GRAMD1B: variants seen among roughly 807,000 people sequenced by gnomAD.
The protein encoded by GRAMD1B is GRAM domain containing 1B, also known as protein Aster-B.
A neutral mutation model predicts 99.7 loss-of-function variants in GRAMD1B; 37 were observed. That is an observed-to-expected ratio of 0.37 (90% CI 0.29 to 0.49). The LOEUF (loss-of-function observed/expected upper bound fraction) is 0.49. Ranked by LOEUF, GRAMD1B falls within the 20% of genes least tolerant of loss-of-function variation. The pLI, the probability that GRAMD1B is intolerant of heterozygous loss-of-function variation, is 0.98. For missense variants in GRAMD1B, 888 were observed against 1,009.2 expected, an observed-to-expected ratio of 0.88 and a Z score of 1.63; for synonymous variants, 427 against 387.6, an observed-to-expected ratio of 1.10 and a Z score of -1.19.
At chr11:123,395,608 T>C (rs1947431680) in intron 1 of GRAMD1B, among the ~76,000 whole-genome samples, 1 of 152,192 alleles carries the variant, frequency 6.6e-6, no homozygotes, top group Non-Finnish European at 1.5e-5. Context: ...TATGCTTGAG[T>C]AGTGGTTTTC....
At chr11:123,601,515 A>ATGTGTGTGTG (rs4063751) in intron 8 of GRAMD1B, among the ~76,000 whole-genome samples, 78 of 148,918 alleles carry the variant, frequency 5.2e-4, no homozygotes, top group African/African-American at 1.8e-3. Flanking sequence ...ATTAATTTTT[A>ATGTGTGTGTG]TGTGTGTGTG....
chr11:123,526,194 A>G, intron 2 of GRAMD1B: 1 of 1,601,932 alleles, frequency 6.2e-7, no homozygotes, highest in Non-Finnish European at 8.5e-7. Context: ...GGGATAGGGC[A>G]CCTTCCTCTT....
In GRAMD1B at chr11:123,422,511, T is replaced by C. The variant is rs545194689; in HGVS notation, c.-175-58305T>C. Among the ~76,000 whole-genome samples, 3 of 152,366 alleles carry C rather than the reference T, an allele frequency of 2.0e-5. No individual in the cohort carries two copies. In the East Asian group the frequency reaches 5.8e-4, roughly 29 times the overall value. On this transcript the variant is annotated intron_variant, in intron 1 of 20. Coordinates refer to the GRAMD1B transcript ENST00000638157. The stretch of plus-strand genomic sequence containing the variant: ...TTCCAATTTTTTGCTTGACATAATA[T>C]GTAAAGGCTAATATTTCTCTGGTGT...
intron 3 of GRAMD1B, among the ~76,000 whole-genome samples, chr11:123,577,792 G>A (rs1442769511): frequency 6.7e-6 from 1 of 148,720 alleles, no homozygotes; most frequent in Admixed American, 6.8e-5. Flanking sequence ...GGCTGGGCGA[G>A]GTAGGGAGGC....
chr11:123,406,123 C>A (rs569098842), intron 1 of GRAMD1B, among the ~76,000 whole-genome samples: 1 of 149,734 alleles, frequency 6.7e-6, no homozygotes, highest in African/African-American at 2.5e-5. Flanking sequence ...CAAATGATTT[C>A]TGGCTAATTT....
At chr11:123,589,194 C>G (rs887297412) in intron 4 of GRAMD1B, among the ~76,000 whole-genome samples, 1 of 151,528 alleles carries the variant, frequency 6.6e-6, no homozygotes, top group Non-Finnish European at 1.5e-5. Context: ...TCAACCTGTC[C>G]TTGAAACATA....
intron 1 of GRAMD1B, among the ~76,000 whole-genome samples, chr11:123,457,964 C>T (rs762663295): frequency 9.9e-5 from 15 of 152,210 alleles, no homozygotes; most frequent in Non-Finnish European, 1.8e-4. Context: ...AATCCTCCTG[C>T]CTCGGCCTCC....
In GRAMD1B at chr11:123,492,547, G is replaced by A. The variant is rs953936122; in HGVS notation, c.452+11654G>A. 1.3e-4 allele frequency among the ~76,000 whole-genome samples: 20 copies of A among 152,168 alleles called. No individual in the cohort carries two copies. Among genetic ancestry groups the A allele is most frequent in the South Asian group, 6.2e-4 (3 of 4,828 alleles). ...TGGCTGAATCTGCCCTGCCCTCTTG[G>A]CCTCTGTAACTAGAAGAAGGAGATT... On this transcript the variant is annotated intron_variant, in intron 2 of 19. Coordinates refer to ENST00000635736, the MANE Select transcript of GRAMD1B (RefSeq NM_001387025.1). This position sits in a 1 kb window ranked among gnomAD's most constrained non-coding sequence, Gnocchi z 4.2.
rs867595369 is a variant in GRAMD1B at position 123,619,135 on chromosome 11, C to A, written c.2455C>A (p.Gln819Lys). 1 of 1,565,186 alleles carries A rather than the reference C, an allele frequency of 6.4e-7. No individual in the cohort carries two copies. The highest frequency in any genetic ancestry group is 1.2e-5 in the South Asian group (1 of 84,724). Residue 819 changes from glutamine to lysine, a missense_variant, in exon 19 of 20, where the codon CAG becomes AAG. Transcript: ENST00000635736. ...ACCCCAGTCTCAGACAGAATGGGCC[C>A]AGCTCTTAGAGTCCCAACAAAAGTA... ...RLPQSQTEWAQLLESQQKYHD... is the reference protein window; with the variant it reads ...RLPQSQTEWAKLLESQQKYHD...
intron 2 of GRAMD1B, among the ~76,000 whole-genome samples, chr11:123,530,439 G>A (rs1032888117): frequency 2.6e-5 from 4 of 152,028 alleles, no homozygotes; most frequent in African/African-American, 9.7e-5. Flanking sequence ...GTGAAGTGGC[G>A]AGATCTTGGC....
chr11:123,445,690 G>A (rs538539803), intron 1 of GRAMD1B, among the ~76,000 whole-genome samples: 2 of 151,840 alleles, frequency 1.3e-5, no homozygotes, highest in African/African-American at 4.8e-5. Flanking sequence ...GGTGGCACGC[G>A]CCTGTAGTCT....
chr11:123,457,660 C>G (rs568463514), intron 1 of GRAMD1B, among the ~76,000 whole-genome samples: 1 of 152,336 alleles, frequency 6.6e-6, no homozygotes, highest in East Asian at 1.9e-4. Flanking sequence ...CCTTATGAGC[C>G]TGGCTCTGGT....
At chr11:123,578,576 C>T in intron 3 of GRAMD1B, 1 of 662,740 alleles carries the variant, frequency 1.5e-6, no homozygotes, top group South Asian at 1.7e-5. Context: ...CCCCACTGTC[C>T]CCCGGCAGGC....
chr11:123,393,655 T>C (rs1947356808), intron 1 of GRAMD1B, among the ~76,000 whole-genome samples: 1 of 152,218 alleles, frequency 6.6e-6, no homozygotes, highest in East Asian at 1.9e-4. Flanking sequence ...ATCTGAGAGA[T>C]TGAGAAAGCC....
intron 2 of GRAMD1B, among the ~76,000 whole-genome samples, chr11:123,541,537 G>GCTTTTTTTTTT (rs1565349162): frequency 7.1e-6 from 1 of 141,472 alleles, no homozygotes; most frequent in African/African-American, 2.6e-5. Flanking sequence ...TCTGTGAATT[G>GCTTTTTTTTTT]ATTTTTTTTT....
At chr11:123,451,250 C>T (rs1238524528) in intron 1 of GRAMD1B, among the ~76,000 whole-genome samples, 2 of 152,222 alleles carry the variant, frequency 1.3e-5, no homozygotes, top group Admixed American at 6.5e-5. Flanking sequence ...CACTGGCACA[C>T]ACCAGGATGT....
chr11:123,473,654 T>G (rs1356737879), intron 1 of GRAMD1B, among the ~76,000 whole-genome samples: 2 of 152,164 alleles, frequency 1.3e-5, no homozygotes, highest in Non-Finnish European at 2.9e-5. Context: ...TCCCTGAATC[T>G]TTGACCAGGG....
chr11:123,433,271 G>C (rs572077461), intron 1 of GRAMD1B, among the ~76,000 whole-genome samples: 16 of 152,024 alleles, frequency 1.1e-4, no homozygotes, highest in Non-Finnish European at 2.4e-4. Flanking sequence ...CCAGCTACTC[G>C]GGAGGCCAAG....
chr11:123,435,295 A>C lies in GRAMD1B; in HGVS notation c.374+4129A>C, dbSNP rs1243587739. On this transcript the variant is annotated intron_variant, in intron 1 of 19. Coordinates refer to ENST00000635736, the MANE Select transcript of GRAMD1B (RefSeq NM_001387025.1). Reference sequence around the variant, plus strand: ...GAGAAAAACACCTTTCAGGCTTGCTATGAAATTCAGCGTGATGTGGTAGAA... The same window carrying C: ...GAGAAAAACACCTTTCAGGCTTGCTCTGAAATTCAGCGTGATGTGGTAGAA... The C allele has an allele frequency of 4.8e-6, 3 of 629,326 alleles. No homozygotes were observed. The African/African-American group carries it at 5.5e-5, about 12-fold the overall frequency. 39.0% of individuals were successfully genotyped at this position (629,326 alleles called of 1,614,324 possible). A position where few individuals can be genotyped will look rare whatever the true frequency, so the allele number is the denominator to read the frequency against.
Sources: allele counts gnomAD v4.1 joint callset (sites outside exome capture counted in the v4.1 genomes callset), GRCh38; gene constraint gnomAD v4.1.1; non-coding constraint Gnocchi (gnomAD v3.1); transcripts MANE v1.5; gene names NCBI Gene and HGNC (gene_info 2026-07-23, HGNC 2026-07-21).